Variants in ADAMTS2 observed in about 807,000 individuals in gnomAD.
The protein encoded by ADAMTS2 is A disintegrin and metalloproteinase with thrombospondin motifs 2.
A neutral mutation model predicts 123.0 loss-of-function variants in ADAMTS2; 50 were observed. That is an observed-to-expected ratio of 0.41 (90% CI 0.32 to 0.51). ADAMTS2 has a LOEUF of 0.51. ADAMTS2 is among the 20% of genes least tolerant of loss of function. ADAMTS2 has a pLI of 0.35. For missense variants in ADAMTS2, 1,494 were observed against 1,705.2 expected, an observed-to-expected ratio of 0.88 and a Z score of 2.18; for synonymous variants, 678 against 695.4, an observed-to-expected ratio of 0.98 and a Z score of 0.39.
chr5:179,317,366 CG>C lies in ADAMTS2; in HGVS notation c.534+26400del, dbSNP rs554932832. On this transcript the variant is annotated intron_variant, in intron 2 of 21. Transcript: ENST00000251582. The surrounding 1 kb of genome is among the most constrained non-coding windows in gnomAD (Gnocchi z 4.9). The stretch of plus-strand genomic sequence containing the variant: ...CACATCTCATCCAAGCCTGCTCGGA[CG>C]CTGCCCTTCTGACCCCGATTCCTGT... 4.8e-4 allele frequency among the ~76,000 whole-genome samples: 73 copies of C among 152,328 alleles called. No individual in the cohort carries two copies. The highest frequency in any genetic ancestry group is 3.5e-3 in the South Asian group (17 of 4,828).
At chr5:179,245,765 C>CAAAAAAAAAAAAA (rs1171837041) in intron 3 of ADAMTS2, among the ~76,000 whole-genome samples, 8 of 17,192 alleles carry the variant, frequency 4.7e-4, no homozygotes, top group East Asian at 2.5e-3. Context: ...GACTCCGTCT[C>CAAAAAAAAAAAAA]AAAAAAAAAA....
intron 2 of ADAMTS2, among the ~76,000 whole-genome samples, chr5:179,287,283 C>G (rs1250570137): frequency 6.6e-6 from 1 of 152,216 alleles, no homozygotes; most frequent in East Asian, 1.9e-4. Context: ...CATGGGATGC[C>G]CATCTCACCC....
chr5:179,259,130 C>A (rs1766146117), intron 3 of ADAMTS2, among the ~76,000 whole-genome samples: 1 of 152,150 alleles, frequency 6.6e-6, no homozygotes, highest in African/African-American at 2.4e-5. Context: ...CGTGATCTGA[C>A]CTCCAGTCCC....
intron 19 of ADAMTS2, among the ~76,000 whole-genome samples, 186 bp downstream of exon 19, chr5:179,124,787 A>G (rs555483577): frequency 7.0e-4 from 106 of 152,042 alleles, no homozygotes; most frequent in African/African-American, 2.5e-3. Flanking sequence ...CGGCTCGCCA[A>G]TGATCAGGGC....
chr5:179,337,922 C>T (rs1757663541), intron 2 of ADAMTS2, among the ~76,000 whole-genome samples: 1 of 151,602 alleles, frequency 6.6e-6, no homozygotes, highest in Non-Finnish European at 1.5e-5. Context: ...TCACAGCAGG[C>T]CTGGGTGAGG....
intron 5 of ADAMTS2, among the ~76,000 whole-genome samples, chr5:179,167,353 C>G (rs1268649191): frequency 6.6e-6 from 1 of 152,082 alleles, no homozygotes; most frequent in Non-Finnish European, 1.5e-5. Context: ...GCGGCCGCAC[C>G]CGGGCTCCCG....
chr5:179,248,602 T>C (rs976045451), intron 3 of ADAMTS2, among the ~76,000 whole-genome samples: 1 of 151,882 alleles, frequency 6.6e-6, no homozygotes, highest in African/African-American at 2.4e-5. Context: ...CATACTAATA[T>C]CAGACAAGAT....
chr5:179,116,785 G>T (rs1318515314), intron 21 of ADAMTS2, among the ~76,000 whole-genome samples: 2 of 152,206 alleles, frequency 1.3e-5, no homozygotes, highest in African/African-American at 4.8e-5. Flanking sequence ...CCCGACTTCG[G>T]CCCTGAGCTT....
In ADAMTS2 at chr5:179,258,123, C is replaced by T. The variant is rs1372137536; in HGVS notation, c.688+14788G>A. Among the ~76,000 whole-genome samples, 7 of 152,274 alleles carry T rather than the reference C, an allele frequency of 4.6e-5. No homozygotes were observed. In the South Asian group the frequency reaches 1.5e-3, roughly 32 times the overall value. ...CTCTCATCCTGGGGGCTCTGGCCTT[C>T]CTGGGGCCAGTGTTATCCAGCTCTG... On this transcript the variant is annotated intron_variant, in intron 3 of 21. Coordinates refer to ENST00000251582, the MANE Select transcript of ADAMTS2 (RefSeq NM_014244.5).
rs1764264342 is a variant in ADAMTS2, at chr5:179,189,847, C to T, written c.892-8692G>A. Among the ~76,000 whole-genome samples, 1 of 149,662 alleles carries T rather than the reference C, an allele frequency of 6.7e-6. No individual in the cohort carries two copies. Among genetic ancestry groups the T allele is most frequent in the African/African-American group, 2.5e-5 (1 of 40,376 alleles). The stretch of plus-strand genomic sequence containing the variant: ...GGGAGAGAATATTACAAAGTATCTT[C>T]TCAAGGGTGGGGAGGGTGTATCATA... On this transcript the variant is annotated intron_variant, in intron 4 of 21. Coordinates refer to ENST00000251582, the MANE Select transcript of ADAMTS2 (RefSeq NM_014244.5). The surrounding 1 kb of genome is among the most constrained non-coding windows in gnomAD (Gnocchi z 4.2).
intron 3 of ADAMTS2, among the ~76,000 whole-genome samples, chr5:179,270,209 C>T (rs562642186): frequency 4.6e-5 from 7 of 152,228 alleles, no homozygotes; most frequent in South Asian, 2.1e-4. Context: ...CATGAGTCCC[C>T]GAGATCACCC....
At position 179,137,846 on chromosome 5, in the gene ADAMTS2, T is replaced by C; in HGVS notation, c.1874A>G (p.Glu625Gly). ...CPDSLADFRE[E>G]QCRQWDLYFE... ...GTACAGGTCCCACTGGCGGCACTGC[T>C]CCTCGCGGAAGTCAGCCAGGGAGTC... Residue 625 changes from glutamate to glycine, a missense_variant, in exon 12 of 22, where the codon GAG (glutamate) becomes GGG (glycine). Transcript: ENST00000251582. The C allele has an allele frequency of 6.4e-7, 1 of 1,568,884 alleles. No homozygotes were observed. The highest frequency in any genetic ancestry group is 8.6e-7 in the Non-Finnish European group (1 of 1,158,410).
rs1763798162 is a variant in ADAMTS2 at position 179,170,663 on chromosome 5, G to A, written c.975+10409C>T. Among the ~76,000 whole-genome samples, 1 of 152,166 alleles carries A rather than the reference G, an allele frequency of 6.6e-6. No individual in the cohort carries two copies. Among genetic ancestry groups the A allele is most frequent in the Non-Finnish European group, 1.5e-5 (1 of 68,022 alleles). ...TTTGCCCCCAGATCTTGGCTGGGAA[G>A]TCCCCATCCTGGCTGCTCCATCCAT... is the stretch of plus-strand genomic sequence containing the variant. On this transcript the variant is annotated intron_variant, in intron 5 of 21. Coordinates refer to ENST00000251582, the MANE Select transcript of ADAMTS2 (RefSeq NM_014244.5). The surrounding 1 kb of genome is among the most constrained non-coding windows in gnomAD (Gnocchi z 4.3).
chr5:179,129,812 C>G lies in ADAMTS2; in HGVS notation c.2457+120G>C. On this transcript the variant is annotated intron_variant, in intron 16 of 21. Coordinates refer to ENST00000251582, the MANE Select transcript of ADAMTS2 (RefSeq NM_014244.5). This position sits in a 1 kb window ranked among gnomAD's most constrained non-coding sequence, Gnocchi z 4.1. ...GGAGCCCCTTGGTGCCAAAGGCAGG[C>G]CAAAGGGGCCACGCAGAGTGTCACC... 1 of 1,380,394 alleles carries G rather than the reference C, an allele frequency of 7.2e-7. No homozygotes were observed. The highest frequency in any genetic ancestry group is 2.5e-4 in the Middle Eastern group (1 of 3,940). 85.5% of individuals were successfully genotyped at this position (1,380,394 alleles called of 1,614,324 possible).
chr5:179,309,532 C>T (rs772448244), intron 2 of ADAMTS2, among the ~76,000 whole-genome samples: 1 of 152,126 alleles, frequency 6.6e-6, no homozygotes, highest in Middle Eastern at 3.4e-3. Context: ...CAAGGTGGGG[C>T]GGGTCACGAG....
Position 179,256,441 on chromosome 5 carries a change from C to T in ADAMTS2, c.688+16470G>A, listed in dbSNP as rs751058295. Among the ~76,000 whole-genome samples, 2 of 152,250 alleles carry T rather than the reference C, an allele frequency of 1.3e-5. No individual in the cohort carries two copies. Among genetic ancestry groups the T allele is most frequent in the African/African-American group, 2.4e-5 (1 of 41,536 alleles). On this transcript the variant is annotated intron_variant, in intron 3 of 21. Coordinates refer to ENST00000251582, the MANE Select transcript of ADAMTS2 (RefSeq NM_014244.5). This position sits in a 1 kb window ranked among gnomAD's most constrained non-coding sequence, Gnocchi z 4.1. The stretch of plus-strand genomic sequence containing the variant: ...CCCAGCTCAGGGAAGCTCCTGGGTG[C>T]GGCTCGGTTCACTCCAGCATTTCCT...
Position 179,330,088 on chromosome 5 carries a change from TGCAGTCC to T in ADAMTS2, c.534+13672_534+13678del, listed in dbSNP as rs554672655. 6.6e-3 allele frequency among the ~76,000 whole-genome samples: 945 copies of T among 142,320 alleles called. 4 individuals carry two copies. The highest frequency in any genetic ancestry group is 0.011 in the Non-Finnish European group (710 of 66,538). The allele number at this position is 142,320 out of a possible 152,430, so 93.4% of individuals were successfully genotyped here. On this transcript the variant is annotated intron_variant, in intron 2 of 21. Coordinates refer to ENST00000251582, the MANE Select transcript of ADAMTS2 (RefSeq NM_014244.5). ...TTGCAGTGAGCCGAGATTGCGCCAC[TGCAGTCC>T]GCAGTCCGGCCTGGGCGACAGAGCG...
chr5:179,322,030 G>C (rs149083301), intron 2 of ADAMTS2, among the ~76,000 whole-genome samples: 1 of 152,204 alleles, frequency 6.6e-6, no homozygotes, highest in Non-Finnish European at 1.5e-5. Flanking sequence ...GGTACAATAC[G>C]ACCCTTTTGT....
At position 179,206,395 on chromosome 5, in the gene ADAMTS2, C is replaced by T. The variant is rs1373668549; in HGVS notation, c.891+1118G>A. On this transcript the variant is annotated intron_variant, in intron 4 of 21. Coordinates refer to ENST00000251582, the MANE Select transcript of ADAMTS2 (RefSeq NM_014244.5). ...CGAAAAGCAGAGCTGGGCAGCAGAT[C>T]CTGAGCAGACCTGCACACCCTGCTG... 2.0e-5 allele frequency among the ~76,000 whole-genome samples: 3 copies of T among 152,288 alleles called. No homozygotes were observed. In the East Asian group the frequency reaches 5.8e-4, roughly 29 times the overall value.
Sources: gnomAD v4.1 joint callset for allele counts (sites outside exome capture counted in the v4.1 genomes callset) on GRCh38, gnomAD v4.1.1 for gene constraint, Gnocchi (gnomAD v3.1) non-coding constraint, MANE v1.5 for transcripts, NCBI Gene and HGNC (gene_info 2026-07-23, HGNC 2026-07-21) for gene names.